Variants in CDH18 observed in about 807,000 individuals in gnomAD.
CDH18 encodes the protein cadherin-18.
In CDH18, 31 loss-of-function variants were observed where a neutral mutation model predicts 67.9. That is an observed-to-expected ratio of 0.46 (90% confidence interval 0.34 to 0.62). The LOEUF is 0.62. Among genes scored for constraint, CDH18 ranks in the 20% least tolerant of loss-of-function variants. The probability of loss-of-function intolerance (pLI) is 0.01; values close to 1 mark genes in which losing one functional copy is unlikely to be tolerated. For missense variants in CDH18, 890 were observed against 975.5 expected (o/e 0.91, Z 1.17); for synonymous variants, 362 against 347.2 (o/e 1.04, Z -0.48).
intron 3 of CDH18, among the ~76,000 whole-genome samples, chr5:19,787,383 C>T (rs1320526124): frequency 6.6e-6 from 1 of 151,386 alleles, no homozygotes; most frequent in African/African-American, 2.4e-5. Context: ...ACCTGGGAGG[C>T]AGAGGTTGCA....
At chr5:20,039,766 C>G (rs923889739) in intron 2 of CDH18, among the ~76,000 whole-genome samples, 48 of 152,128 alleles carry the variant, frequency 3.2e-4, no homozygotes, top group African/African-American at 1.1e-3. Context: ...CTAGGCAATA[C>G]CATTCAGGAC....
chr5:19,798,574 C>G (rs1416615203), intron 3 of CDH18, among the ~76,000 whole-genome samples: 2 of 151,604 alleles, frequency 1.3e-5, no homozygotes, highest in Non-Finnish European at 2.9e-5. Flanking sequence ...CTTTTTTTCC[C>G]TCATATTTCA....
intron 1 of CDH18, among the ~76,000 whole-genome samples, chr5:20,383,108 T>G (rs930649786): frequency 6.6e-6 from 1 of 152,174 alleles, no homozygotes; most frequent in Non-Finnish European, 1.5e-5. Context: ...ATATTAGTGA[T>G]ATTTCTTTTT....
chr5:19,860,443 T>C (rs1784772773), intron 2 of CDH18, among the ~76,000 whole-genome samples: 1 of 151,404 alleles, frequency 6.6e-6, no homozygotes, highest in Admixed American at 6.6e-5. Context: ...CTTTTTTTTT[T>C]TTCCTATTAT....
intron 1 of CDH18, among the ~76,000 whole-genome samples, chr5:20,447,176 TTC>T (rs1328768283): frequency 6.6e-6 from 1 of 152,216 alleles, no homozygotes; most frequent in Non-Finnish European, 1.5e-5. Context: ...CCTTCCCTTT[TTC>T]TGTTTTTCTC....
In CDH18 at chr5:19,719,527, A is replaced by T. The variant is rs575274063; in HGVS notation, c.643+1820T>A. Among the ~76,000 whole-genome samples, 4 of 152,080 alleles carry T rather than the reference A, an allele frequency of 2.6e-5. No individual in the cohort carries two copies. The East Asian group carries it at 7.7e-4, about 29-fold the overall frequency. ...AATGGCGAGCTTTTCAACTAATTCT[A>T]AGCTCTTCTAATGAATAATAATGTG... On this transcript the variant is annotated intron_variant, in intron 5 of 12. Coordinates refer to ENST00000382275, the MANE Select transcript of CDH18 (RefSeq NM_004934.5).
intron 2 of CDH18, among the ~76,000 whole-genome samples, chr5:20,014,382 C>T (rs1034752440): frequency 5.3e-5 from 8 of 151,900 alleles, no homozygotes; most frequent in South Asian, 2.1e-4. Flanking sequence ...CTCCCAGAAA[C>T]GACATCTAAT....
intron 2 of CDH18, among the ~76,000 whole-genome samples, chr5:20,091,274 CA>C (rs1016237815): frequency 1.3e-5 from 2 of 151,740 alleles, no homozygotes; most frequent in Non-Finnish European, 2.9e-5. Flanking sequence ...CTCTTGAGGC[CA>C]GGAGTACCAG....
chr5:20,479,182 A>C (rs917249797), intron 1 of CDH18, among the ~76,000 whole-genome samples: 1 of 152,160 alleles, frequency 6.6e-6, no homozygotes, highest in Admixed American at 6.5e-5. Flanking sequence ...AGCCTAAAAC[A>C]AATAGGTAAC....
At chr5:19,781,160 T>C (rs924423103) in intron 3 of CDH18, among the ~76,000 whole-genome samples, 17 of 152,156 alleles carry the variant, frequency 1.1e-4, no homozygotes, top group African/African-American at 4.1e-4. Context: ...AGGCCCATAG[T>C]CCAAAAGTAA....
intron 2 of CDH18, among the ~76,000 whole-genome samples, chr5:20,060,905 G>A (rs1742419624): frequency 6.6e-6 from 1 of 151,352 alleles, no homozygotes; most frequent in South Asian, 2.1e-4. Flanking sequence ...TGACACAAAT[G>A]ATATTTTTCC....
chr5:19,990,043 C>T (rs544802637), upstream of CDH18, among the ~76,000 whole-genome samples: 1 of 152,118 alleles, frequency 6.6e-6, no homozygotes, highest in Non-Finnish European at 1.5e-5. Flanking sequence ...ATGAGGGATT[C>T]TCCTTGTGTA....
intron 2 of CDH18, among the ~76,000 whole-genome samples, chr5:19,995,591 G>T (rs1490373375): frequency 1.5e-5 from 2 of 136,268 alleles, no homozygotes; most frequent in Non-Finnish European, 3.1e-5. Context: ...TGATAGAGCT[G>T]TTGCAAGCTT....
At chr5:19,769,308 CAAGAG>C (rs1773468382) in intron 3 of CDH18, among the ~76,000 whole-genome samples, 1 of 151,978 alleles carries the variant, frequency 6.6e-6, no homozygotes, top group Non-Finnish European at 1.5e-5. Flanking sequence ...CTGAAAGTAG[CAAGAG>C]AAAAGAATCT....
chr5:19,784,582 A>AT (rs1462163943), intron 3 of CDH18, among the ~76,000 whole-genome samples: 1 of 152,114 alleles, frequency 6.6e-6, no homozygotes, highest in African/African-American at 2.4e-5. Context: ...TGTACATGTG[A>AT]TTTTTTTCTT....
chr5:19,714,386 T>C (rs1401803280), intron 5 of CDH18, among the ~76,000 whole-genome samples: 1 of 152,138 alleles, frequency 6.6e-6, no homozygotes, highest in Non-Finnish European at 1.5e-5. Context: ...TCTACTAGAA[T>C]TTAATAACTC....
chr5:19,754,592 A>C (rs1771282570), intron 3 of CDH18, among the ~76,000 whole-genome samples: 1 of 152,168 alleles, frequency 6.6e-6, no homozygotes, highest in Non-Finnish European at 1.5e-5. Context: ...CACAGACAGC[A>C]CTAGACAGGT....
At chr5:20,105,269 G>T (rs560628498) in intron 2 of CDH18, among the ~76,000 whole-genome samples, 6 of 152,268 alleles carry the variant, frequency 3.9e-5, no homozygotes, top group African/African-American at 1.4e-4. Context: ...TTATAGGCAT[G>T]AGCTACTGTG....
chr5:19,671,457 T>G (rs1758739267), intron 5 of CDH18, among the ~76,000 whole-genome samples: 1 of 152,188 alleles, frequency 6.6e-6, no homozygotes, highest in Admixed American at 6.6e-5. Flanking sequence ...ACTAGAATTC[T>G]AATTATCTAC....
Sources: gnomAD v4.1 joint callset for allele counts (sites outside exome capture counted in the v4.1 genomes callset) on GRCh38, gnomAD v4.1.1 for gene constraint, MANE v1.5 for transcripts, NCBI Gene and HGNC (gene_info 2026-07-23, HGNC 2026-07-21) for gene names.